Variants in PTPRD observed in about 807,000 individuals in gnomAD.
PTPRD encodes protein tyrosine phosphatase receptor type D, also known as receptor-type tyrosine-protein phosphatase delta.
PTPRD carries 34 observed loss-of-function variants against 214.5 expected under a neutral mutation model. The observed-to-expected ratio is 0.16, with a 90% CI of 0.12 to 0.21. The LOEUF (loss-of-function observed/expected upper bound fraction) is 0.21, where lower values mean the gene tolerates loss of function less well. Ranked by LOEUF, PTPRD falls within the 10% of genes least tolerant of loss-of-function variation. The probability of loss-of-function intolerance (pLI) is 1.00; values close to 1 mark genes in which losing one functional copy is unlikely to be tolerated. For synonymous variants in PTPRD, 1,128 were observed against 845.7 expected (o/e 1.33, Z -5.79); for missense variants, 2,545 against 2,398.7 (o/e 1.06, Z -1.27).
intron 8 of PTPRD, among the ~76,000 whole-genome samples, chr9:9,438,062 C>T (rs1329758226): frequency 2.0e-5 from 3 of 152,134 alleles, no homozygotes; most frequent in Non-Finnish European, 2.9e-5. Flanking sequence ...CGATGGCTTT[C>T]CCTCTGTGTG....
Position 8,768,226 on chromosome 9 carries a change from T to C in PTPRD, c.-103-34280A>G, listed in dbSNP as rs547361759. Among the ~76,000 whole-genome samples, 315 of 152,206 alleles carry C rather than the reference T, an allele frequency of 2.1e-3. 2 individuals carry two copies. Among genetic ancestry groups the C allele is most frequent in the Non-Finnish European group, 2.1e-3 (145 of 67,992 alleles). ...CCTGGGCAACATAGTGAGACCCCCA[T>C]CTTGATTAAAAAAATTAAAAAATAA... On this transcript the variant is annotated intron_variant, in intron 11 of 45. Transcript: ENST00000381196.
intron 8 of PTPRD, among the ~76,000 whole-genome samples, chr9:9,411,577 C>G (rs555806683): frequency 6.6e-6 from 1 of 152,106 alleles, no homozygotes; most frequent in Admixed American, 6.5e-5. Flanking sequence ...TGGAAATAGC[C>G]TTTTGCTAAC....
chr9:9,140,209 G>A (rs2099857799), intron 10 of PTPRD, among the ~76,000 whole-genome samples: 1 of 150,714 alleles, frequency 6.6e-6, no homozygotes, highest in Non-Finnish European at 1.5e-5. Flanking sequence ...AAAAGAAAAA[G>A]AAAAAGAAAA....
At chr9:9,246,231 T>G (rs896296202) in intron 9 of PTPRD, among the ~76,000 whole-genome samples, 23 of 152,202 alleles carry the variant, frequency 1.5e-4, no homozygotes, top group African/African-American at 5.5e-4. Context: ...ATCCTGAATG[T>G]TTTTAGTGTC....
chr9:9,856,679 G>C (rs2061617040), intron 5 of PTPRD, among the ~76,000 whole-genome samples: 1 of 151,852 alleles, frequency 6.6e-6, no homozygotes, highest in African/African-American at 2.4e-5. Flanking sequence ...GTGGGAATTT[G>C]TTATAGAATC....
At chr9:8,614,297 C>T (rs1302113583) in intron 14 of PTPRD, among the ~76,000 whole-genome samples, 1 of 152,046 alleles carries the variant, frequency 6.6e-6, no homozygotes, top group Non-Finnish European at 1.5e-5. Flanking sequence ...TTGAGTTGCC[C>T]AACACATGCA....
At chr9:8,793,884 C>G (rs2096318360) in intron 11 of PTPRD, among the ~76,000 whole-genome samples, 2 of 152,158 alleles carry the variant, frequency 1.3e-5, no homozygotes, top group Admixed American at 6.5e-5. Flanking sequence ...TAAAATCAGT[C>G]TCAAAACTGA....
chr9:10,543,467 AAT>A (rs771137112), intron 2 of PTPRD, among the ~76,000 whole-genome samples: 411 of 142,938 alleles, frequency 2.9e-3, no homozygotes, highest in African/African-American at 8.8e-3. Context: ...TGAAGAGTTT[AAT>A]ATATATATAT....
At chr9:9,597,655 A>G (rs952205553) in intron 7 of PTPRD, among the ~76,000 whole-genome samples, 4 of 152,028 alleles carry the variant, frequency 2.6e-5, no homozygotes, top group Non-Finnish European at 5.9e-5. Context: ...AAGAAATGGG[A>G]CATTAAAAAG....
chr9:8,893,832 A>G (rs1343858114), intron 11 of PTPRD, among the ~76,000 whole-genome samples: 1 of 152,158 alleles, frequency 6.6e-6, no homozygotes, highest in East Asian at 1.9e-4. Context: ...ATGTTGAGGG[A>G]AGAAAAGCTC....
chr9:9,664,435 T>C (rs1011865395), intron 7 of PTPRD, among the ~76,000 whole-genome samples: 1 of 151,668 alleles, frequency 6.6e-6, no homozygotes, highest in African/African-American at 2.4e-5. Flanking sequence ...TAGAATTCAA[T>C]GGTCGTAAGA....
chr9:9,683,807 C>A (rs1050103123), intron 7 of PTPRD, among the ~76,000 whole-genome samples: 2 of 151,664 alleles, frequency 1.3e-5, no homozygotes, highest in African/African-American at 4.8e-5. Context: ...CATAAAAAAT[C>A]ATTTTAACGA....
At chr9:9,280,308 A>C (rs1434402374) in intron 9 of PTPRD, among the ~76,000 whole-genome samples, 1 of 151,306 alleles carries the variant, frequency 6.6e-6, no homozygotes, top group African/African-American at 2.4e-5. Flanking sequence ...TTAATTGTAC[A>C]TATGAAAGAA....
intron 11 of PTPRD, among the ~76,000 whole-genome samples, chr9:8,997,992 C>A (rs543673416): frequency 2.0e-5 from 3 of 152,050 alleles, no homozygotes; most frequent in Admixed American, 2.0e-4. Context: ...CTGAGAGAGG[C>A]AAGGAAGCTG....
chr9:9,141,429 C>A (rs2099860280), intron 10 of PTPRD, among the ~76,000 whole-genome samples: 1 of 151,998 alleles, frequency 6.6e-6, no homozygotes, highest in Admixed American at 6.6e-5. Flanking sequence ...ACCTTGACCA[C>A]TTTAGAATGG....
chr9:10,365,133 A>T (rs979232647), intron 2 of PTPRD, among the ~76,000 whole-genome samples: 1 of 152,140 alleles, frequency 6.6e-6, no homozygotes, highest in African/African-American at 2.4e-5. Flanking sequence ...TCTTTGGACT[A>T]TTGTGGTACC....
At chr9:8,926,062 C>T (rs1039301490) in intron 11 of PTPRD, among the ~76,000 whole-genome samples, 2 of 151,952 alleles carry the variant, frequency 1.3e-5, no homozygotes, top group Admixed American at 6.6e-5. Flanking sequence ...AGTACCACCT[C>T]TTGCCATGCC....
chr9:10,229,155 C>T (rs1460381033), intron 3 of PTPRD, among the ~76,000 whole-genome samples: 3 of 152,044 alleles, frequency 2.0e-5, no homozygotes, highest in Non-Finnish European at 2.9e-5. Context: ...CAATGAGATA[C>T]TATCTCACAC....
intron 12 of PTPRD, among the ~76,000 whole-genome samples, chr9:8,683,693 G>A (rs1034733125): frequency 2.6e-5 from 4 of 152,150 alleles, no homozygotes; most frequent in African/African-American, 9.7e-5. Context: ...TTGAATCTGG[G>A]CACAGGGTTG....
Sources: gnomAD v4.1 joint callset for allele counts (sites outside exome capture counted in the v4.1 genomes callset) on GRCh38, gnomAD v4.1.1 for gene constraint, MANE v1.5 for transcripts, NCBI Gene and HGNC (gene_info 2026-07-23, HGNC 2026-07-21) for gene names.